Variants in SPATA17 observed in about 807,000 individuals in gnomAD.
SPATA17 encodes spermatogenesis associated 17.
A neutral mutation model predicts 62.2 loss-of-function variants in SPATA17; 53 were observed. The observed-to-expected ratio is 0.85, with a 90% CI of 0.68 to 1.07. The LOEUF (loss-of-function observed/expected upper bound fraction) is 1.07, where lower values mean the gene tolerates loss of function less well. Ranked by LOEUF, SPATA17 falls within the 50% of genes least tolerant of loss-of-function variation. SPATA17 has a pLI of 0.00. For missense variants in SPATA17, 466 were observed against 425.5 expected (o/e 1.10, Z -0.84); for synonymous variants, 146 against 146.8 (o/e 0.99, Z 0.04).
chr1:217,867,658 C>T lies in SPATA17; in HGVS notation c.*639C>T, dbSNP rs952244187. 1.3e-5 allele frequency: 2 copies of T among 152,244 alleles called. No homozygotes were observed. The highest frequency in any genetic ancestry group is 2.4e-5 in the African/African-American group (1 of 41,554). 9.4% of individuals were successfully genotyped at this position (152,244 alleles called of 1,614,324 possible). ...TCAGATCCTGCATGGCTCTGAACTACAGTTGGTTTCCAAAAAGCTGGGCTT... is the reference window on the plus strand; with the variant it reads ...TCAGATCCTGCATGGCTCTGAACTATAGTTGGTTTCCAAAAAGCTGGGCTT... On this transcript the variant is annotated 3_prime_UTR_variant, in exon 11 of 11. Coordinates refer to ENST00000366933, the MANE Select transcript of SPATA17 (RefSeq NM_138796.4).
intron 5 of SPATA17, among the ~76,000 whole-genome samples, chr1:217,689,221 CT>C (rs200885875): frequency 1.0e-3 from 104 of 102,584 alleles, no homozygotes; most frequent in African/African-American, 3.2e-3. Flanking sequence ...TTTATTATGT[CT>C]TTTTTTTTTT....
intron 5 of SPATA17, among the ~76,000 whole-genome samples, chr1:217,714,337 C>T (rs538647093): frequency 1.1e-4 from 17 of 151,714 alleles, no homozygotes; most frequent in South Asian, 2.1e-4. Flanking sequence ...TGCAGTGAGC[C>T]GAGAATGTGC....
chr1:217,855,568 A>G (rs1675761862), intron 9 of SPATA17, among the ~76,000 whole-genome samples: 1 of 152,048 alleles, frequency 6.6e-6, no homozygotes, highest in Non-Finnish European at 1.5e-5. Flanking sequence ...TACTTTTATC[A>G]TGGCCTAATA....
intron 9 of SPATA17, among the ~76,000 whole-genome samples, chr1:217,808,595 T>C (rs1429569433): frequency 2.6e-5 from 4 of 152,210 alleles, no homozygotes; most frequent in African/African-American, 9.6e-5. Context: ...GGCCCACGCC[T>C]GTAATCCCAG....
chr1:217,801,871 A>T (rs1347715993), intron 9 of SPATA17, 21 bp downstream of exon 9: 7 of 1,586,894 alleles, frequency 4.4e-6, no homozygotes, highest in Admixed American at 3.8e-5. Context: ...AAAACATTTT[A>T]AAAAGTTATT....
chr1:217,751,672 G>A (rs531498180), intron 6 of SPATA17, among the ~76,000 whole-genome samples: 7 of 152,184 alleles, frequency 4.6e-5, no homozygotes, highest in African/African-American at 1.7e-4. Flanking sequence ...AGAGTGAAGT[G>A]GTTTTAAAAA....
chr1:217,851,749 A>G (rs1675670997), intron 9 of SPATA17, among the ~76,000 whole-genome samples: 1 of 152,194 alleles, frequency 6.6e-6, no homozygotes, highest in Non-Finnish European at 1.5e-5. Flanking sequence ...ACACTGTCTG[A>G]TGAAAATGGT....
At chr1:217,633,197 CAAATAAATAAATAAAT>C (rs139113077) in intron 1 of SPATA17, among the ~76,000 whole-genome samples, 29 of 145,846 alleles carry the variant, frequency 2.0e-4, no homozygotes, top group East Asian at 6.1e-4. Flanking sequence ...GACTCTGTCT[CAAATAAATAAATAAAT>C]AAATAAATAA....
chr1:217,697,184 T>C (rs1671478841), intron 5 of SPATA17, among the ~76,000 whole-genome samples: 1 of 152,178 alleles, frequency 6.6e-6, no homozygotes, highest in Non-Finnish European at 1.5e-5. Flanking sequence ...TTTGTATTTT[T>C]AGTAGAGGCT....
At chr1:217,654,567 T>G (rs1344457884) in intron 3 of SPATA17, among the ~76,000 whole-genome samples, 1 of 152,184 alleles carries the variant, frequency 6.6e-6, no homozygotes, top group Non-Finnish European at 1.5e-5. Context: ...CCACTCACAT[T>G]TTTTAATCAA....
intron 4 of SPATA17, among the ~76,000 whole-genome samples, chr1:217,682,868 A>C (rs548221176): frequency 6.6e-6 from 1 of 152,260 alleles, no homozygotes; most frequent in Admixed American, 6.5e-5. Context: ...AAAATACAAA[A>C]ACTAAACGTA....
At chr1:217,729,670 G>A (rs780803031) in intron 5 of SPATA17, among the ~76,000 whole-genome samples, 2 of 152,042 alleles carry the variant, frequency 1.3e-5, no homozygotes, top group Non-Finnish European at 2.9e-5. Flanking sequence ...ACAAGCCAGG[G>A]TGTCCAACAT....
chr1:217,742,989 C>T (rs1042121183), intron 6 of SPATA17, among the ~76,000 whole-genome samples: 4 of 151,150 alleles, frequency 2.6e-5, no homozygotes, highest in Non-Finnish European at 4.4e-5. Context: ...GGCTGGCCGT[C>T]TACATTTGGA....
chr1:217,857,227 C>T (rs1302489739), intron 9 of SPATA17, among the ~76,000 whole-genome samples: 6 of 152,082 alleles, frequency 3.9e-5, no homozygotes, highest in Admixed American at 3.3e-4. Context: ...TGGTGAAAAG[C>T]CTTAAATAAC....
rs757618853 is a variant in SPATA17, at chr1:217,631,408, G to C, written c.30G>C (p.Arg10Ser). 2 of 1,614,136 alleles carry C rather than the reference G, an allele frequency of 1.2e-6. No homozygotes were observed. The highest frequency in any genetic ancestry group is 8.5e-7 in the Non-Finnish European group (1 of 1,180,038). Residue 10 changes from arginine to serine, a missense_variant, in exon 1 of 11, where the codon AGG (arginine) becomes AGC (serine). By Grantham distance (110) the Arg-to-Ser change is moderately radical. Transcript: ENST00000366933. Reference protein sequence around the residue: MATLARLQARSSTVGNQYYF... With the variant: MATLARLQASSSTVGNQYYF... ...CCACGTTAGCCCGGCTGCAAGCTAG[G>C]TCGTCGACTGTAGGAAATCAGTACT...
At chr1:217,809,770 G>T (rs1179855033) in intron 9 of SPATA17, among the ~76,000 whole-genome samples, 1 of 152,160 alleles carries the variant, frequency 6.6e-6, no homozygotes, top group African/African-American at 2.4e-5. Flanking sequence ...ATGAGTTTTG[G>T]TGAGAACAAA....
At chr1:217,794,354 T>C (rs1674082861) in intron 8 of SPATA17, among the ~76,000 whole-genome samples, 1 of 152,154 alleles carries the variant, frequency 6.6e-6, no homozygotes, top group Admixed American at 6.5e-5. Context: ...ATTCACAATT[T>C]ATTAAGAATA....
chr1:217,696,688 T>C (rs1671469469), intron 5 of SPATA17, among the ~76,000 whole-genome samples: 1 of 152,220 alleles, frequency 6.6e-6, no homozygotes, highest in Non-Finnish European at 1.5e-5. Context: ...ATTTCCTGAT[T>C]TTTTTCTCGA....
intron 4 of SPATA17, among the ~76,000 whole-genome samples, chr1:217,678,591 A>C (rs897027720): frequency 2.6e-5 from 4 of 152,220 alleles, no homozygotes; most frequent in African/African-American, 9.6e-5. Flanking sequence ...CAGGAATAAA[A>C]GTAAACCCAA....
Sources: allele counts gnomAD v4.1 joint callset (sites outside exome capture counted in the v4.1 genomes callset), GRCh38; gene constraint gnomAD v4.1.1; transcripts MANE v1.5; gene names NCBI Gene and HGNC (gene_info 2026-07-23, HGNC 2026-07-21).